Variants in USP28 observed in about 807,000 individuals in gnomAD.
USP28 encodes the protein ubiquitin carboxyl-terminal hydrolase 28.
In USP28, 113 loss-of-function variants were observed where a neutral mutation model predicts 145.0. The observed-to-expected ratio is 0.78, with a 90% confidence interval of 0.67 to 0.91. The LOEUF (loss-of-function observed/expected upper bound fraction) is 0.91. USP28 is among the 40% of genes least tolerant of loss of function. The pLI, the probability that USP28 is intolerant of heterozygous loss-of-function variation, is 0.00. For synonymous variants in USP28, 447 were observed against 450.9 expected, an observed-to-expected ratio of 0.99 and a Z score of 0.11; for missense variants, 1,201 against 1,289.6, an observed-to-expected ratio of 0.93 and a Z score of 1.05.
intron 8 of USP28, 24 bp from the exon 9 acceptor site, chr11:113,830,967 T>C (rs765610563): frequency 6.2e-7 from 1 of 1,610,994 alleles, no homozygotes; most frequent in South Asian, 1.1e-5. Context: ...AAGGAGACAA[T>C]TCTGGATTGT....
At chr11:113,836,134 T>C (rs926405782) in intron 5 of USP28, among the ~76,000 whole-genome samples, 1 of 152,204 alleles carries the variant, frequency 6.6e-6, no homozygotes, top group Non-Finnish European at 1.5e-5. Flanking sequence ...GCTAATACTA[T>C]TCACATCTCC....
intron 12 of USP28, among the ~76,000 whole-genome samples, chr11:113,818,612 A>G (rs919594636): frequency 5.3e-5 from 8 of 152,188 alleles, no homozygotes; most frequent in Non-Finnish European, 8.8e-5. Context: ...TAATCCCAGT[A>G]CTTGGGGAGG....
intron 17 of USP28, 48 bp from the exon 18 acceptor site, chr11:113,808,485 TAG>T (rs1366268400): frequency 6.3e-7 from 1 of 1,594,580 alleles, no homozygotes; most frequent in Non-Finnish European, 8.6e-7. Flanking sequence ...ATAAATAGTC[TAG>T]AACACTCAGA....
chr11:113,813,241 G>A (rs1330373068), intron 15 of USP28, among the ~76,000 whole-genome samples: 1 of 152,162 alleles, frequency 6.6e-6, no homozygotes, highest in East Asian at 1.9e-4. Context: ...TTCCTGTTAA[G>A]CAATGGGACT....
chr11:113,857,284 T>C (rs149918504), intron 1 of USP28, among the ~76,000 whole-genome samples: 5 of 152,356 alleles, frequency 3.3e-5, no homozygotes, highest in African/African-American at 9.6e-5. Flanking sequence ...AATACATTTA[T>C]GCTATCTTCC....
At chr11:113,848,263 A>G (rs1946099439) in intron 3 of USP28, among the ~76,000 whole-genome samples, 1 of 152,212 alleles carries the variant, frequency 6.6e-6, no homozygotes, top group Admixed American at 6.5e-5. Context: ...TGATTAACCA[A>G]CATTAAAGGG....
chr11:113,834,349 AG>A lies in USP28; in HGVS notation c.535-15del. The A allele has an allele frequency of 1.3e-6, 2 of 1,583,628 alleles. No homozygotes were observed. The highest frequency in any genetic ancestry group is 2.3e-5 in the South Asian group (2 of 87,918). On this transcript the variant is annotated splice_polypyrimidine_tract_variant and intron_variant, in intron 5 of 24. Coordinates refer to ENST00000003302, the Ensembl canonical transcript of USP28. ...TTGAAAGAGAGACTGAAATAAAGAA[AG>A]AAAGGGATTCATAGCCTTTCCTGAA...
intron 1 of USP28, among the ~76,000 whole-genome samples, chr11:113,867,600 C>T (rs982131246): frequency 1.8e-4 from 27 of 151,862 alleles, no homozygotes; most frequent in Middle Eastern, 3.2e-3. Context: ...CAGTGGCACA[C>T]ACCTGTAGTT....
intron 3 of USP28, among the ~76,000 whole-genome samples, chr11:113,850,469 C>CA (rs1189435219): frequency 6.6e-6 from 1 of 152,136 alleles, no homozygotes; most frequent in East Asian, 1.9e-4. Flanking sequence ...TCAAAAAGAA[C>CA]AATGTTGACC....
At chr11:113,818,916 C>T (rs565485839) in intron 12 of USP28, among the ~76,000 whole-genome samples, 7 of 150,914 alleles carry the variant, frequency 4.6e-5, no homozygotes, top group Non-Finnish European at 8.9e-5. Flanking sequence ...AAGACATAAT[C>T]ATTTTCATGT....
At chr11:113,829,615 G>C in intron 9 of USP28, 3 of 388,478 alleles carry the variant, frequency 7.7e-6, no homozygotes, top group Non-Finnish European at 1.4e-5. Context: ...ATCACTTGAG[G>C]CCAGGAGTTT....
At chr11:113,809,636 A>T (rs1200991602) in intron 16 of USP28, among the ~76,000 whole-genome samples, 1 of 152,246 alleles carries the variant, frequency 6.6e-6, no homozygotes, top group Non-Finnish European at 1.5e-5. Flanking sequence ...TGGGATGCTC[A>T]ACCTGTATGG....
At chr11:113,846,861 G>A (rs183993286) in intron 3 of USP28, among the ~76,000 whole-genome samples, 62 of 152,276 alleles carry the variant, frequency 4.1e-4, no homozygotes, top group Admixed American at 1.2e-3. Flanking sequence ...TGGGTGTGGT[G>A]GCGTGTGCCA....
chr11:113,862,373 G>A (rs1046828979), intron 1 of USP28, among the ~76,000 whole-genome samples: 2 of 152,182 alleles, frequency 1.3e-5, no homozygotes, highest in Non-Finnish European at 2.9e-5. Context: ...AGAGATCAGA[G>A]AGGTGATGTG....
At chr11:113,854,407 C>T in intron 1 of USP28, 72 bp from the exon 2 acceptor site, 1 of 1,433,632 alleles carries the variant, frequency 7.0e-7, no homozygotes, top group Non-Finnish European at 9.7e-7. Context: ...TAAAGAATAA[C>T]TAAAAGCATC....
chr11:113,840,066 C>A (rs540952492), intron 5 of USP28, among the ~76,000 whole-genome samples: 5 of 152,256 alleles, frequency 3.3e-5, no homozygotes, highest in African/African-American at 1.2e-4. Context: ...TGTTAACACA[C>A]ACCCAAATTA....
At chr11:113,842,040 C>A (rs1004924071) in intron 3 of USP28, among the ~76,000 whole-genome samples, 1 of 152,154 alleles carries the variant, frequency 6.6e-6, no homozygotes, top group Non-Finnish European at 1.5e-5. Flanking sequence ...AAAAGTAGAT[C>A]CCATACATGT....
At chr11:113,831,016 T>C (rs772489640) in intron 8 of USP28, 73 bp from the exon 9 acceptor site, 2 of 1,529,730 alleles carry the variant, frequency 1.3e-6, no homozygotes, top group Admixed American at 3.4e-5. Flanking sequence ...CCAAGCATCA[T>C]TCAAAAGCAA....
At chr11:113,799,473 G>T in intron 24 of USP28, 58 bp from the exon 26 acceptor site, 3 of 1,555,182 alleles carry the variant, frequency 1.9e-6, no homozygotes, top group South Asian at 2.5e-5. Context: ...GAGTAAAAGT[G>T]AACAAGCCTT....
Sources: gnomAD v4.1 joint callset for allele counts (sites outside exome capture counted in the v4.1 genomes callset) on GRCh38, gnomAD v4.1.1 for gene constraint, MANE v1.5 for transcripts, NCBI Gene and HGNC (gene_info 2026-07-23, HGNC 2026-07-21) for gene names.